RBM4: variants seen among roughly 807,000 people sequenced by gnomAD.
RBM4 encodes the protein RNA-binding protein 4.
A neutral mutation model predicts 29.5 loss-of-function variants in RBM4; 7 were observed. That is an observed-to-expected ratio of 0.24 (90% CI 0.14 to 0.45). The LOEUF (loss-of-function observed/expected upper bound fraction) is 0.45, where lower values mean the gene tolerates loss of function less well. Ranked by LOEUF, RBM4 falls within the 20% of genes least tolerant of loss-of-function variation. The probability of loss-of-function intolerance (pLI) is 1.00; values close to 1 mark genes in which losing one functional copy is unlikely to be tolerated. For synonymous variants in RBM4, 220 were observed against 205.4 expected (o/e 1.07, Z -0.61); for missense variants, 387 against 502.3 (o/e 0.77, Z 2.19).
intron 2 of RBM4, among the ~76,000 whole-genome samples, chr11:66,664,506 G>C (rs1715421995): frequency 1.3e-5 from 2 of 150,862 alleles, no homozygotes; most frequent in Non-Finnish European, 2.9e-5. Context: ...TGTTGTCCAG[G>C]CTGGAGTGCA....
intron 2 of RBM4, chr11:66,665,039 A>G (rs1183662884): frequency 1.3e-5 from 2 of 152,410 alleles, no homozygotes; most frequent in East Asian, 3.8e-4. Context: ...AATTTTTTTA[A>G]AAAAGGGAGG....
chr11:66,649,317 G>T (rs1293951304), downstream of RBM4, among the ~76,000 whole-genome samples: 2 of 152,190 alleles, frequency 1.3e-5, no homozygotes, highest in Non-Finnish European at 2.9e-5. Context: ...TTATTGACTT[G>T]TTGAGAGGAA....
intron 2 of RBM4, among the ~76,000 whole-genome samples, chr11:66,653,700 T>A (rs991739472): frequency 6.6e-6 from 1 of 152,168 alleles, no homozygotes; most frequent in Admixed American, 6.6e-5. Flanking sequence ...AGTATACATA[T>A]AACACACAAA....
chr11:66,641,204 C>T (rs946335820), intron 2 of RBM4: 1 of 152,156 alleles, frequency 6.6e-6, no homozygotes, highest in Non-Finnish European at 1.5e-5. Context: ...GGAGTATTTC[C>T]GTGACTCCTT....
At position 66,642,797 on chromosome 11, in the gene RBM4, C is replaced by T. The variant is rs190707884; in HGVS notation, c.413-653C>T. On this transcript the variant is annotated intron_variant, in intron 2 of 3. Transcript: ENST00000310092. ...TAACTGTCAGATTGTAAAGAATCCT[C>T]GTTAAAGCAATGATCAGAACCAGCA... Among the ~76,000 whole-genome samples the T allele has an allele frequency of 7.2e-5, 11 of 152,278 alleles. No individual in the cohort carries two copies. The East Asian group carries it at 1.4e-3, about 19-fold the overall frequency.
At chr11:66,661,729 G>C (rs568488372) in intron 2 of RBM4, among the ~76,000 whole-genome samples, 1 of 152,142 alleles carries the variant, frequency 6.6e-6, no homozygotes, top group Non-Finnish European at 1.5e-5. Flanking sequence ...AAGAAGTAAG[G>C]TTTAGGAATA....
At chr11:66,649,721 C>G (rs928951550), downstream of RBM4, 1 of 701,446 alleles carries the variant, frequency 1.4e-6, no homozygotes, top group Admixed American at 2.0e-5. Flanking sequence ...CTTTTTCTTG[C>G]TTTTTGTTTT....
chr11:66,657,492 G>C (rs1298532158), intron 2 of RBM4, among the ~76,000 whole-genome samples: 1 of 151,450 alleles, frequency 6.6e-6, no homozygotes, highest in Non-Finnish European at 1.5e-5. Flanking sequence ...GAGCAGCCTG[G>C]CCGACATGAT....
chr11:66,639,430 C>T, intron 1 of RBM4: 1 of 475,160 alleles, frequency 2.1e-6, no homozygotes, highest in Non-Finnish European at 3.7e-6. Context: ...CTTTCATGCC[C>T]ATTTCTGTTG....
intron 2 of RBM4, among the ~76,000 whole-genome samples, chr11:66,655,015 T>C (rs973446779): frequency 1.3e-5 from 2 of 151,928 alleles, no homozygotes; most frequent in African/African-American, 2.4e-5. Context: ...GATGGAGTTT[T>C]GCTCTTGTTG....
intron 2 of RBM4, among the ~76,000 whole-genome samples, chr11:66,657,547 G>A (rs565166667): frequency 2.0e-5 from 3 of 151,364 alleles, no homozygotes; most frequent in Non-Finnish European, 4.4e-5. Context: ...GCCAGTTGTC[G>A]TGGTGCGCAC....
chr11:66,644,156 T>C lies in RBM4; in HGVS notation c.*8+16T>C. On this transcript the variant is annotated intron_variant, in intron 3 of 3. Transcript: ENST00000310092. ...AAAGCTTGAGGTGAGAGGGGTGGGGTGTTCCCTCTTCTGGTTTTGCCATCC... is the reference window on the plus strand; with the variant it reads ...AAAGCTTGAGGTGAGAGGGGTGGGGCGTTCCCTCTTCTGGTTTTGCCATCC... 6.3e-7 allele frequency: 1 copy of C among 1,592,956 alleles called. No homozygotes were observed. Among genetic ancestry groups the C allele is most frequent in the Non-Finnish European group, 8.6e-7 (1 of 1,169,166 alleles).
chr11:66,642,664 C>T (rs1333526474), intron 2 of RBM4, among the ~76,000 whole-genome samples: 1 of 152,198 alleles, frequency 6.6e-6, no homozygotes, highest in Non-Finnish European at 1.5e-5. Flanking sequence ...TCCTCAGGCA[C>T]GTTTTCTTCC....
At chr11:66,651,901 C>G (rs940139727) in intron 2 of RBM4, among the ~76,000 whole-genome samples, 1 of 144,088 alleles carries the variant, frequency 6.9e-6, no homozygotes, top group Admixed American at 7.6e-5. Context: ...GCATAATCAC[C>G]TCTCAAAAGT....
chr11:66,666,217 TTGA>T (rs1226255612), exon 3 of RBM4: 2 of 878,278 alleles, frequency 2.3e-6, no homozygotes, highest in African/African-American at 1.8e-5. Context: ...AATCCTTCTA[TTGA>T]TGATGGGAAC....
rs573124223 is a variant in RBM4 at position 66,653,872 on chromosome 11, A to G, written c.413-11984A>G. ...TCTGTCGCCCAGGATAGGGACTCAC[A>G]CTTTGAATATATGCCTCAATTAAAA... On this transcript the variant is annotated intron_variant, in intron 2 of 2. Transcript: ENST00000396053. Among the ~76,000 whole-genome samples the G allele has an allele frequency of 2.8e-3, 414 of 146,912 alleles. 3 individuals carry two copies. Among genetic ancestry groups the G allele is most frequent in the African/African-American group, 9.7e-3 (385 of 39,494 alleles).
At chr11:66,661,476 A>C (rs1289434560) in intron 2 of RBM4, among the ~76,000 whole-genome samples, 2 of 152,176 alleles carry the variant, frequency 1.3e-5, no homozygotes, top group Non-Finnish European at 2.9e-5. Flanking sequence ...CTGAGGGCCT[A>C]GTGTCTTTCT....
chr11:66,654,861 G>A (rs759336799), intron 2 of RBM4, among the ~76,000 whole-genome samples: 17 of 151,782 alleles, frequency 1.1e-4, no homozygotes, highest in Admixed American at 4.6e-4. Flanking sequence ...GTCTCCCTAC[G>A]TCGCCCAGGC....
chr11:66,639,235 A>C (rs1938330134), intron 1 of RBM4: 1 of 159,444 alleles, frequency 6.3e-6, no homozygotes, highest in Non-Finnish European at 1.4e-5. Flanking sequence ...TTACTTCCAA[A>C]GGAAACTCAA....
Sources: gnomAD v4.1 joint callset for allele counts (sites outside exome capture counted in the v4.1 genomes callset) on GRCh38, gnomAD v4.1.1 for gene constraint, MANE v1.5 for transcripts, NCBI Gene and HGNC (gene_info 2026-07-23, HGNC 2026-07-21) for gene names.